Variants in PDE4D observed in about 807,000 individuals in gnomAD.
The protein encoded by PDE4D is 3',5'-cyclic-AMP phosphodiesterase 4D.
Under a neutral mutation model 87.4 loss-of-function variants are expected in PDE4D, and 24 were observed. The observed-to-expected ratio is 0.27, with a 90% CI of 0.20 to 0.39. The LOEUF (loss-of-function observed/expected upper bound fraction) is 0.39. PDE4D is among the 10% of genes least tolerant of loss of function. The pLI is 1.00. For synonymous variants in PDE4D, 384 were observed against 383.2 expected (o/e 1.00, Z -0.02); for missense variants, 714 against 1,041.0 (o/e 0.69, Z 4.32).
chr5:60,244,562 A>G (rs1399738461), intron 1 of PDE4D, among the ~76,000 whole-genome samples: 2 of 152,054 alleles, frequency 1.3e-5, no homozygotes, highest in Non-Finnish European at 2.9e-5. Flanking sequence ...CTATAGAGCT[A>G]TAGTAACAAA....
chr5:59,127,325 C>T (rs1031736595), intron 5 of PDE4D, among the ~76,000 whole-genome samples: 2 of 152,192 alleles, frequency 1.3e-5, no homozygotes, highest in Non-Finnish European at 2.9e-5. Flanking sequence ...TTCTCAGAGG[C>T]TTATGTGGCT....
chr5:59,430,166 C>T (rs1795901437), intron 1 of PDE4D: 2 of 803,044 alleles, frequency 2.5e-6, no homozygotes, highest in South Asian at 6.6e-5. Context: ...CCCAACTATC[C>T]AGTGTGTTGA....
chr5:60,318,409 GC>G (rs1755854798), intron 1 of PDE4D, among the ~76,000 whole-genome samples: 1 of 152,142 alleles, frequency 6.6e-6, no homozygotes, highest in Admixed American at 6.5e-5. Flanking sequence ...CCTGAATATA[GC>G]ACACTGATGG....
intron 2 of PDE4D, among the ~76,000 whole-genome samples, chr5:59,203,153 G>T (rs1418356762): frequency 6.6e-6 from 1 of 151,954 alleles, no homozygotes; most frequent in African/African-American, 2.4e-5. Context: ...AAACCAGCTT[G>T]GGCAACATCG....
intron 1 of PDE4D, among the ~76,000 whole-genome samples, chr5:60,314,823 T>G (rs1161471563): frequency 1.3e-5 from 2 of 152,222 alleles, no homozygotes; most frequent in Non-Finnish European, 2.9e-5. Flanking sequence ...AACTCATCAT[T>G]TCTTATGGCT....
chr5:59,500,886 ATCTTCTC>A (rs1302007582), intron 1 of PDE4D, among the ~76,000 whole-genome samples: 1 of 151,294 alleles, frequency 6.6e-6, no homozygotes, highest in Non-Finnish European at 1.5e-5. Flanking sequence ...TCCCCTTCTG[ATCTTCTC>A]TCTTTCCACA....
chr5:60,164,136 T>G (rs1457966228), intron 2 of PDE4D, among the ~76,000 whole-genome samples: 1 of 152,142 alleles, frequency 6.6e-6, no homozygotes, highest in Admixed American at 6.6e-5. Context: ...GGAAAATAAT[T>G]TAATAAAAAT....
upstream of PDE4D, chr5:60,490,055 T>A (rs1274768249): frequency 6.6e-6 from 1 of 152,260 alleles, no homozygotes; most frequent in African/African-American, 2.4e-5. Flanking sequence ...CTTTCACAGC[T>A]TTTGTACATT....
At chr5:59,748,282 C>T (rs141031683) in intron 1 of PDE4D, among the ~76,000 whole-genome samples, 1 of 152,262 alleles carries the variant, frequency 6.6e-6, no homozygotes. Flanking sequence ...GTAGGAACAC[C>T]CAGCCATCCC....
chr5:59,266,670 A>G (rs1199537973), intron 1 of PDE4D, among the ~76,000 whole-genome samples: 1 of 151,900 alleles, frequency 6.6e-6, no homozygotes, highest in Non-Finnish European at 1.5e-5. Context: ...TCTTGGGGGG[A>G]AAGGCAGACA....
chr5:59,806,658 G>T (rs1767769106), intron 1 of PDE4D, among the ~76,000 whole-genome samples: 1 of 152,170 alleles, frequency 6.6e-6, no homozygotes, highest in Non-Finnish European at 1.5e-5. Flanking sequence ...GCATGAGAAA[G>T]ATGACTATTA....
intron 1 of PDE4D, among the ~76,000 whole-genome samples, chr5:59,667,257 G>C (rs1483268843): frequency 2.6e-5 from 4 of 151,968 alleles, no homozygotes; most frequent in African/African-American, 9.7e-5. Flanking sequence ...GGTTCTGAAG[G>C]CATTATTTTT....
At chr5:59,600,951 C>G (rs1464927172) in intron 1 of PDE4D, among the ~76,000 whole-genome samples, 1 of 152,090 alleles carries the variant, frequency 6.6e-6, no homozygotes, top group African/African-American at 2.4e-5. Context: ...ATATCCAGGG[C>G]AACAATCACA....
At chr5:60,063,093 A>G (rs1416959139) in intron 2 of PDE4D, among the ~76,000 whole-genome samples, 2 of 115,664 alleles carry the variant, frequency 1.7e-5, no homozygotes, top group East Asian at 4.4e-4. Flanking sequence ...GAAAGAAAGA[A>G]AGAAGAAAGA....
chr5:59,232,176 T>C (rs1252390481), intron 1 of PDE4D, among the ~76,000 whole-genome samples: 1 of 152,024 alleles, frequency 6.6e-6, no homozygotes, highest in Non-Finnish European at 1.5e-5. Context: ...AATGGGACTA[T>C]ATTAAAACCA....
At chr5:59,008,769 A>C (rs1309564313) in intron 6 of PDE4D, among the ~76,000 whole-genome samples, 1 of 152,138 alleles carries the variant, frequency 6.6e-6, no homozygotes, top group Non-Finnish European at 1.5e-5. Context: ...AAAACTGTTA[A>C]GAAAACAGAA....
intron 1 of PDE4D, among the ~76,000 whole-genome samples, chr5:60,253,507 CT>C: frequency 6.6e-6 from 1 of 151,828 alleles, no homozygotes; most frequent in Non-Finnish European, 1.5e-5. Context: ...TAGGTTGTCC[CT>C]TTTTGATGAA....
At position 59,757,892 on chromosome 5, in the gene PDE4D, T is replaced by G. The variant is rs568338381; in HGVS notation, c.455+135276A>C. ...ATATTTCTCCTACACACACATATTTTTATAAGAATATTTTATAAGGATGTC... is the reference window on the plus strand; with the variant it reads ...ATATTTCTCCTACACACACATATTTGTATAAGAATATTTTATAAGGATGTC... On this transcript the variant is annotated intron_variant, in intron 1 of 14. Coordinates refer to ENST00000340635, the MANE Select transcript of PDE4D (RefSeq NM_001104631.2). 2.0e-5 allele frequency among the ~76,000 whole-genome samples: 3 copies of G among 152,320 alleles called. No homozygotes were observed. The South Asian group carries it at 6.2e-4, about 32-fold the overall frequency.
chr5:59,134,389 T>C (rs1776733299), intron 5 of PDE4D, among the ~76,000 whole-genome samples: 1 of 152,028 alleles, frequency 6.6e-6, no homozygotes, highest in East Asian at 1.9e-4. Context: ...CAAACCATCA[T>C]TAATTTTGTT....
Sources: gnomAD v4.1 joint callset for allele counts (sites outside exome capture counted in the v4.1 genomes callset) on GRCh38, gnomAD v4.1.1 for gene constraint, MANE v1.5 for transcripts, NCBI Gene and HGNC (gene_info 2026-07-23, HGNC 2026-07-21) for gene names.